Variants in TULP4 observed in about 807,000 individuals in gnomAD.
The protein encoded by TULP4 is tubby-related protein 4.
In TULP4, 16 loss-of-function variants were observed where a neutral mutation model predicts 129.0. The observed-to-expected ratio is 0.12, with a 90% CI of 0.08 to 0.19. The LOEUF (loss-of-function observed/expected upper bound fraction) is 0.19, where lower values mean the gene tolerates loss of function less well. Ranked by LOEUF, TULP4 falls within the 10% of genes least tolerant of loss-of-function variation. The pLI is 1.00. For synonymous variants in TULP4, 998 were observed against 854.0 expected (o/e 1.17, Z -2.94); for missense variants, 1,842 against 2,059.1 (o/e 0.89, Z 2.04).
chr6:158,251,075 G>A (rs774343590), intron 1 of TULP4, among the ~76,000 whole-genome samples: 7 of 152,306 alleles, frequency 4.6e-5, no homozygotes, highest in East Asian at 1.9e-4. Flanking sequence ...GAGGCTGGGC[G>A]CATTCACAAA....
At chr6:158,406,645 C>G (rs185304565) in intron 1 of TULP4, among the ~76,000 whole-genome samples, 6 of 152,266 alleles carry the variant, frequency 3.9e-5, no homozygotes, top group Admixed American at 3.9e-4. Flanking sequence ...TAATGTAGCT[C>G]TTCAGCATTG....
chr6:158,424,194 G>A (rs1277922661), intron 2 of TULP4, among the ~76,000 whole-genome samples: 2 of 152,166 alleles, frequency 1.3e-5, no homozygotes, highest in African/African-American at 2.4e-5. Flanking sequence ...ATTCATGGAA[G>A]CACACGTATA....
In TULP4 at chr6:158,493,588, C is replaced by A; in HGVS notation, c.1647C>A (p.Ala549=). The A allele has an allele frequency of 6.5e-7, 1 of 1,547,400 alleles. No individual in the cohort carries two copies. Among genetic ancestry groups the A allele is most frequent in the Non-Finnish European group, 8.7e-7 (1 of 1,147,622 alleles). ...SPKLPRISIE[A]RKSPKLPRAA... ...GCCTCCCCAGGATCAGCATTGAGGCCCGCAAGTCACCCAAGCTGCCCCGGG... is the reference window on the plus strand; with the variant it reads ...GCCTCCCCAGGATCAGCATTGAGGCACGCAAGTCACCCAAGCTGCCCCGGG... The change falls in exon 10 of 14, where the codon GCC becomes GCA. Residue 549 remains alanine, a synonymous_variant. Transcript: ENST00000367097. The surrounding 1 kb of genome is among the most constrained non-coding windows in gnomAD (Gnocchi z 4.4).
chr6:158,484,023 A>G lies in TULP4; in HGVS notation c.1486+2734A>G, dbSNP rs527404711. On this transcript the variant is annotated intron_variant, in intron 8 of 13. Coordinates refer to ENST00000367097, the MANE Select transcript of TULP4 (RefSeq NM_020245.5). ...AGCCTTGAACTCCTAGGCTCAAGCA[A>G]CCCTCCCACTTCAGCCTCCAAGTAG... Among the ~76,000 whole-genome samples the G allele has an allele frequency of 2.0e-5, 3 of 150,924 alleles. 1 individual carries two copies. Among genetic ancestry groups the G allele is most frequent in the Non-Finnish European group, 3.0e-5 (2 of 67,704 alleles).
chr6:158,390,695 C>T (rs705935), intron 1 of TULP4, among the ~76,000 whole-genome samples: 102,659 of 152,070 alleles, frequency 0.68, 34,996 homozygotes, highest in Middle Eastern at 0.74. Flanking sequence ...AGTCATATGA[C>T]GTGAAGGAGA....
chr6:158,480,880 A>G (rs1009849000), intron 7 of TULP4, among the ~76,000 whole-genome samples, 175 bp from the exon 8 acceptor site: 1 of 152,128 alleles, frequency 6.6e-6, no homozygotes, highest in Non-Finnish European at 1.5e-5. Context: ...ACATGCTCCT[A>G]CCATTGCAAA....
chr6:158,315,998 G>A, intron 1 of TULP4, among the ~76,000 whole-genome samples: 1 of 152,226 alleles, frequency 6.6e-6, no homozygotes, highest in East Asian at 1.9e-4. Flanking sequence ...CTCCTGAGAA[G>A]TAACTCATAT....
chr6:158,462,426 T>C (rs186712172), intron 6 of TULP4, among the ~76,000 whole-genome samples: 1 of 150,540 alleles, frequency 6.6e-6, no homozygotes, highest in East Asian at 2.0e-4. Flanking sequence ...CAGGCTGGAG[T>C]GCCGTAGCGC....
chr6:158,453,679 C>T (rs1382910981), intron 5 of TULP4, among the ~76,000 whole-genome samples: 1 of 151,144 alleles, frequency 6.6e-6, no homozygotes, highest in South Asian at 2.1e-4. Context: ...ATCCCAGCTA[C>T]TCGGGAGGCT....
At chr6:158,492,289 C>A (rs555858466) in intron 9 of TULP4, among the ~76,000 whole-genome samples, 12 of 152,322 alleles carry the variant, frequency 7.9e-5, no homozygotes, top group African/African-American at 2.6e-4. Flanking sequence ...TACCTAAGGT[C>A]ATGAAGCCTT....
chr6:158,448,478 A>T (rs1026346047), intron 3 of TULP4, among the ~76,000 whole-genome samples: 14 of 152,230 alleles, frequency 9.2e-5, no homozygotes, highest in Non-Finnish European at 1.9e-4. Flanking sequence ...AACATTCAAC[A>T]TTGGAAATAA....
At chr6:158,501,383 A>G (rs750865774) in intron 12 of TULP4, among the ~76,000 whole-genome samples, 342 of 152,290 alleles carry the variant, frequency 2.2e-3, no homozygotes, top group Middle Eastern at 3.4e-3. Flanking sequence ...TCAGACATTT[A>G]ATTATCTGTG....
intron 1 of TULP4, among the ~76,000 whole-genome samples, chr6:158,373,665 T>C (rs1390534035): frequency 6.6e-6 from 1 of 152,206 alleles, no homozygotes; most frequent in Non-Finnish European, 1.5e-5. Context: ...AAAGGCTAAC[T>C]CCTCCAAGAA....
chr6:158,371,997 T>G (rs1216463465), intron 1 of TULP4, among the ~76,000 whole-genome samples: 1 of 152,038 alleles, frequency 6.6e-6, no homozygotes, highest in Admixed American at 6.6e-5. Context: ...GTATTTTCTA[T>G]AGAGATGGGG....
chr6:158,462,634 A>G (rs1309085615), intron 6 of TULP4, among the ~76,000 whole-genome samples: 1 of 151,740 alleles, frequency 6.6e-6, no homozygotes, highest in Non-Finnish European at 1.5e-5. Context: ...CGGCCTCCCA[A>G]GATGCTGGGA....
upstream of TULP4, among the ~76,000 whole-genome samples, chr6:158,307,702 C>CG (rs1291271707): frequency 6.6e-6 from 1 of 152,104 alleles, no homozygotes; most frequent in Non-Finnish European, 1.5e-5. Flanking sequence ...AGCCCGGTCT[C>CG]GAACTCCTAA....
intron 2 of TULP4, among the ~76,000 whole-genome samples, chr6:158,427,470 C>CTTT (rs1251385882): frequency 1.3e-4 from 13 of 100,674 alleles, no homozygotes; most frequent in East Asian, 2.8e-4. Flanking sequence ...AATTATCAGA[C>CTTT]CTTTTTTTTT....
At chr6:158,322,927 T>A (rs1055820730) in intron 1 of TULP4, among the ~76,000 whole-genome samples, 2 of 152,208 alleles carry the variant, frequency 1.3e-5, no homozygotes, top group South Asian at 4.1e-4. Context: ...GTGGTGAAGA[T>A]GATCTTTGAG....
At chr6:158,340,755 T>C (rs1780162111) in intron 1 of TULP4, among the ~76,000 whole-genome samples, 1 of 152,200 alleles carries the variant, frequency 6.6e-6, no homozygotes, top group African/African-American at 2.4e-5. Context: ...TCATCCTTAC[T>C]GTTTGTACCA....
Sources: gnomAD v4.1 joint callset for allele counts (sites outside exome capture counted in the v4.1 genomes callset) on GRCh38, gnomAD v4.1.1 for gene constraint, Gnocchi (gnomAD v3.1) non-coding constraint, MANE v1.5 for transcripts, NCBI Gene and HGNC (gene_info 2026-07-23, HGNC 2026-07-21) for gene names.